CSMD2: variants seen among roughly 807,000 people sequenced by gnomAD.
CSMD2 encodes the protein CUB and Sushi multiple domains 2.
In CSMD2, 130 loss-of-function variants were observed where a neutral mutation model predicts 398.5. The observed-to-expected ratio is 0.33, with a 90% CI of 0.28 to 0.38. The LOEUF (loss-of-function observed/expected upper bound fraction) is 0.38, where lower values mean the gene tolerates loss of function less well. Among genes scored for constraint, CSMD2 ranks in the 10% least tolerant of loss-of-function variants. The pLI is 1.00. For missense variants in CSMD2, 3,829 were observed against 4,764.9 expected (o/e 0.80, Z 5.78); for synonymous variants, 1,828 against 1,908.5 (o/e 0.96, Z 1.10).
At chr1:33,986,489 C>T (rs1188190974) in intron 3 of CSMD2, among the ~76,000 whole-genome samples, 2 of 152,170 alleles carry the variant, frequency 1.3e-5, no homozygotes, top group African/African-American at 4.8e-5. Context: ...AATCTTGTGA[C>T]AGAGCGAGTA....
rs1395293377 is a variant in CSMD2, at chr1:34,069,691, T to C, written c.404+19286A>G. Among the ~76,000 whole-genome samples the C allele has an allele frequency of 5.3e-5, 8 of 152,106 alleles. No individual in the cohort carries two copies. In the East Asian group the frequency reaches 1.5e-3, roughly 29 times the overall value. On this transcript the variant is annotated intron_variant, in intron 2 of 70. Coordinates refer to ENST00000373381, the MANE Select transcript of CSMD2 (RefSeq NM_001281956.2). ...GGCCATTATGAGACACTCCCAACAATGTGCTTCAATTATTTCATAAAAGAA... is the reference window on the plus strand; with the variant it reads ...GGCCATTATGAGACACTCCCAACAACGTGCTTCAATTATTTCATAAAAGAA...
chr1:34,122,812 G>C (rs528604152), intron 1 of CSMD2, among the ~76,000 whole-genome samples: 2 of 152,152 alleles, frequency 1.3e-5, no homozygotes, highest in East Asian at 3.9e-4. Context: ...CTTACCAGGG[G>C]ACAGAGAGGC....
In CSMD2 at chr1:33,688,454, G is replaced by A. The variant is rs116684472; in HGVS notation, c.4052+4476C>T. Among the ~76,000 whole-genome samples, 976 of 152,312 alleles carry A rather than the reference G, an allele frequency of 6.4e-3. 6 individuals are homozygous for A. Among genetic ancestry groups the A allele is most frequent in the African/African-American group, 0.022 (923 of 41,566 alleles). ...GTTATTTTATGTGGGGTGTGAGGAG[G>A]AGTAAGATTACAGAGTAAGATTGTG... On this transcript the variant is annotated intron_variant, in intron 25 of 70. Coordinates refer to ENST00000373381, the MANE Select transcript of CSMD2 (RefSeq NM_001281956.2).
At chr1:33,888,055 A>G in intron 5 of CSMD2, among the ~76,000 whole-genome samples, 1 of 152,174 alleles carries the variant, frequency 6.6e-6, no homozygotes. Flanking sequence ...AAAAAACCTA[A>G]CAAGAAATTC....
At chr1:33,612,890 C>T (rs1641117707) in intron 40 of CSMD2, among the ~76,000 whole-genome samples, 1 of 152,200 alleles carries the variant, frequency 6.6e-6, no homozygotes, top group African/African-American at 2.4e-5. Flanking sequence ...CCGTGTTAGG[C>T]TGTGATGACA....
chr1:34,136,579 A>G (rs1294023177), intron 1 of CSMD2, among the ~76,000 whole-genome samples: 1 of 152,212 alleles, frequency 6.6e-6, no homozygotes, highest in Admixed American at 6.5e-5. Flanking sequence ...CACTTGTTAG[A>G]GAAACTTCCT....
rs367711913 is a variant in CSMD2, at chr1:33,756,691, G to A, written c.1847-13085C>T. Reference sequence around the variant, plus strand: ...CAAGGAACACAAGACAAACTAAAGAGGATGACAAGGTCTTCTAAAAATTAT... The same window carrying A: ...CAAGGAACACAAGACAAACTAAAGAAGATGACAAGGTCTTCTAAAAATTAT... On this transcript the variant is annotated intron_variant, in intron 13 of 70. Transcript: ENST00000373381. Among the ~76,000 whole-genome samples the A allele has an allele frequency of 1.3e-4, 20 of 152,296 alleles. No homozygotes were observed. The South Asian group carries it at 2.5e-3, about 19-fold the overall frequency.
chr1:33,788,905 C>T (rs1432682231), intron 11 of CSMD2, among the ~76,000 whole-genome samples, 193 bp from the exon 12 acceptor site: 1 of 152,176 alleles, frequency 6.6e-6, no homozygotes, highest in African/African-American at 2.4e-5. Context: ...TCCTGTCTTC[C>T]CCTTGGCTGT....
rs1200851139 is a variant in CSMD2, at chr1:33,519,615, G to A, written c.10799C>T (p.Thr3600Ile). 4 of 1,613,984 alleles carry A rather than the reference G, an allele frequency of 2.5e-6. No individual in the cohort carries two copies. The highest frequency in any genetic ancestry group is 1.7e-5 in the Admixed American group (1 of 60,000). ...GCGGTCGTACATTGGGTTCTCAAATGTGGCCCGAACATTGGTGTTCTCGTG... is the reference window on the plus strand; with the variant it reads ...GCGGTCGTACATTGGGTTCTCAAATATGGCCCGAACATTGGTGTTCTCGTG... ...AGHENTNVRA[T>I]FENPMYDRNI... is the part of the protein sequence containing the mutation. The change falls in exon 70 of 71, where the codon ACA becomes ATA. Residue 3600 changes from threonine (T) to isoleucine (I), a missense_variant. Around this residue, in one of 5 missense-constraint regions of CSMD2, gnomAD observed 917 missense variants for 1,199.5 expected, o/e 0.76. Transcript: ENST00000373381. This position sits in a 1 kb window ranked among gnomAD's most constrained non-coding sequence, Gnocchi z 5.6.
chr1:33,855,665 C>A (rs755409268), intron 5 of CSMD2, among the ~76,000 whole-genome samples: 14 of 152,140 alleles, frequency 9.2e-5, no homozygotes, highest in Non-Finnish European at 1.9e-4. Flanking sequence ...CAGCCCAAGT[C>A]TCTATTATAT....
intron 21 of CSMD2, 32 bp downstream of exon 21, chr1:33,714,555 G>C (rs780353061): frequency 1.2e-6 from 2 of 1,608,458 alleles, no homozygotes. Flanking sequence ...CACCCCATTA[G>C]TGAAGCAAAA....
At chr1:33,956,221 AG>A (rs1472657371) in intron 3 of CSMD2, among the ~76,000 whole-genome samples, 2 of 151,086 alleles carry the variant, frequency 1.3e-5, no homozygotes, top group Admixed American at 1.3e-4. Context: ...AAAAAAAAAA[AG>A]AATATTCACA....
intron 28 of CSMD2, 58 bp downstream of exon 28, chr1:33,652,265 C>T (rs1643798138): frequency 1.3e-6 from 2 of 1,581,630 alleles, no homozygotes; most frequent in African/African-American, 2.7e-5. Flanking sequence ...AGACCCAGGT[C>T]CCAGAGCCCC....
chr1:33,983,776 C>T (rs1019134221), intron 3 of CSMD2, among the ~76,000 whole-genome samples: 5 of 152,090 alleles, frequency 3.3e-5, no homozygotes, highest in Non-Finnish European at 7.4e-5. Context: ...GGGCAGCCTG[C>T]CTCCCTGAAG....
intron 12 of CSMD2, among the ~76,000 whole-genome samples, chr1:33,773,445 C>G (rs1475370183): frequency 6.6e-6 from 1 of 152,206 alleles, no homozygotes; most frequent in African/African-American, 2.4e-5. Context: ...AGTGGTGAGA[C>G]AGACATGGAG....
intron 10 of CSMD2, among the ~76,000 whole-genome samples, chr1:33,802,556 A>T (rs1655729310): frequency 6.6e-6 from 1 of 152,142 alleles, no homozygotes; most frequent in South Asian, 2.1e-4. Context: ...AAGCCCAGGT[A>T]GCAGAGGTCC....
intron 1 of CSMD2, among the ~76,000 whole-genome samples, chr1:34,132,565 A>T (rs1663471807): frequency 6.6e-6 from 1 of 152,214 alleles, no homozygotes; most frequent in Non-Finnish European, 1.5e-5. Context: ...TGTGTTTGTG[A>T]AGGTGTTCAG....
At position 33,660,986 on chromosome 1, in the gene CSMD2, T is replaced by G. The variant is rs529671821; in HGVS notation, c.4255+1904A>C. Among the ~76,000 whole-genome samples, 5 of 152,276 alleles carry G rather than the reference T, an allele frequency of 3.3e-5. 1 individual carries two copies. In the South Asian group the frequency reaches 1.0e-3, roughly 32 times the overall value. Reference sequence around the variant, plus strand: ...GCCGTGGGCTATAGCAGTTTTACTCTGAATGGGGAGATTAGGAGGCAGTGG... The same window carrying G: ...GCCGTGGGCTATAGCAGTTTTACTCGGAATGGGGAGATTAGGAGGCAGTGG... On this transcript the variant is annotated intron_variant, in intron 26 of 70. Coordinates refer to ENST00000373381, the MANE Select transcript of CSMD2 (RefSeq NM_001281956.2).
intron 14 of CSMD2, 73 bp from the exon 15 acceptor site, chr1:33,739,407 T>A (rs1646986053): frequency 2.2e-5 from 31 of 1,415,230 alleles, no homozygotes; most frequent in Non-Finnish European, 3.0e-5. Context: ...AAAATTAGCT[T>A]CCTTGGGATG....
Sources: gnomAD v4.1 joint callset for allele counts (sites outside exome capture counted in the v4.1 genomes callset) on GRCh38, gnomAD v4.1.1 for gene constraint, gnomAD v4.1.1 regional missense constraint, Gnocchi (gnomAD v3.1) non-coding constraint, MANE v1.5 for transcripts, NCBI Gene and HGNC (gene_info 2026-07-23, HGNC 2026-07-21) for gene names.